Variants in ADK observed in about 807,000 individuals in gnomAD.
ADK encodes adenosine kinase, also known as N6,N6-dimethyladenosine kinase.
In ADK, 24 loss-of-function variants were observed where a neutral mutation model predicts 44.7. The observed-to-expected ratio is 0.54, with a 90% CI of 0.39 to 0.76. The LOEUF (loss-of-function observed/expected upper bound fraction) is 0.76. ADK is among the 30% of genes least tolerant of loss of function. The pLI, the probability that ADK is intolerant of heterozygous loss-of-function variation, is 0.00. For missense variants in ADK, 321 were observed against 425.1 expected (o/e 0.76, Z 2.15); for synonymous variants, 128 against 142.6 (o/e 0.90, Z 0.73).
chr10:74,476,362 A>G (rs1846840882), intron 6 of ADK, among the ~76,000 whole-genome samples: 1 of 151,874 alleles, frequency 6.6e-6, no homozygotes, highest in Non-Finnish European at 1.5e-5. Flanking sequence ...GCGTAGTGAC[A>G]CATGCTGTAA....
At chr10:74,216,916 G>A (rs183140382) in intron 2 of ADK, among the ~76,000 whole-genome samples, 21 of 152,216 alleles carry the variant, frequency 1.4e-4, no homozygotes, top group African/African-American at 4.6e-4. Flanking sequence ...GAACAGCTCC[G>A]GTCTACAGCT....
chr10:74,541,457 C>T (rs897010918), intron 7 of ADK, among the ~76,000 whole-genome samples: 4 of 152,142 alleles, frequency 2.6e-5, no homozygotes, highest in Non-Finnish European at 5.9e-5. Flanking sequence ...TTTCCTTCGT[C>T]TCTTTAATCT....
rs185128068 is a variant in ADK at position 74,454,245 on chromosome 10, T to A, written c.555+55666T>A. On this transcript the variant is annotated intron_variant, in intron 6 of 10. Coordinates refer to ENST00000539909, the MANE Select transcript of ADK (RefSeq NM_006721.4). ...TACTTTGTTACAGTACTTGATCCAG[T>A]TTGTTTCATTGGTGTGCTTGGTAAA... Among the ~76,000 whole-genome samples, 34 of 152,300 alleles carry A rather than the reference T, an allele frequency of 2.2e-4. No individual in the cohort carries two copies. In the East Asian group the frequency reaches 6.0e-3, roughly 27 times the overall value.
In ADK at chr10:74,612,311, G is replaced by A. The variant is rs1852586694; in HGVS notation, c.877+11818G>A. Reference sequence around the variant, plus strand: ...TTTATTTGTATTTTATAGAGAAAGTGTCTTGCTATGTTGCTCAGGCTGGTC... The same window carrying A: ...TTTATTTGTATTTTATAGAGAAAGTATCTTGCTATGTTGCTCAGGCTGGTC... On this transcript the variant is annotated intron_variant, in intron 9 of 10. Transcript: ENST00000539909. Among the ~76,000 whole-genome samples the A allele has an allele frequency of 3.9e-5, 6 of 152,044 alleles. No individual in the cohort carries two copies. The South Asian group carries it at 1.2e-3, about 32-fold the overall frequency.
intron 6 of ADK, among the ~76,000 whole-genome samples, chr10:74,509,805 T>A (rs981886300): frequency 2.0e-5 from 3 of 152,194 alleles, no homozygotes; most frequent in Non-Finnish European, 2.9e-5. Flanking sequence ...AACTTTTTTT[T>A]ATCTTCTACT....
chr10:74,295,011 AT>A (rs1839762659), intron 3 of ADK, among the ~76,000 whole-genome samples: 1 of 151,906 alleles, frequency 6.6e-6, no homozygotes, highest in Admixed American at 6.5e-5. Flanking sequence ...GTATGCCATC[AT>A]GCCTGGCTGA....
At chr10:74,195,707 C>CTTTTTTTTTTTTTTTTTTTTTTTTT (rs71475265) in intron 1 of ADK, among the ~76,000 whole-genome samples, 12 of 97,520 alleles carry the variant, frequency 1.2e-4, no homozygotes, top group Non-Finnish European at 1.8e-4. Flanking sequence ...TCTTTTCTTT[C>CTTTTTTTTTTTTTTTTTTTTTTTTT]TTTTTTTTTT....
chr10:74,483,681 A>C (rs1847156960), intron 6 of ADK, among the ~76,000 whole-genome samples: 1 of 152,186 alleles, frequency 6.6e-6, no homozygotes, highest in Non-Finnish European at 1.5e-5. Context: ...ATACATCTTG[A>C]ATGTTTTGCT....
In ADK at chr10:74,394,173, A is replaced by G. The variant is rs747977228; in HGVS notation, c.306A>G (p.Thr102=). 1.9e-6 allele frequency: 3 copies of G among 1,614,020 alleles called. No individual in the cohort carries two copies. Among genetic ancestry groups the G allele is most frequent in the South Asian group, 1.1e-5 (1 of 91,080 alleles). Residue 102 remains threonine, a synonymous_variant, in exon 5 of 11, where the codon ACA becomes ACG. Transcript: ENST00000539909. ...TTCAACAGCCACACAAAGCAGCAAC[A>G]TTTTTTGGATGCATTGGGATAGATA... ...WMIQQPHKAA[T]FFGCIGIDKF...
At chr10:74,692,194 A>G (rs73278319) in intron 10 of ADK, among the ~76,000 whole-genome samples, 12,251 of 152,228 alleles carry the variant, frequency 0.08, 713 homozygotes, top group African/African-American at 0.13. Flanking sequence ...GTAATGAGCT[A>G]TCAGCTGGGC....
At chr10:74,461,949 G>T (rs1197164211) in intron 6 of ADK, among the ~76,000 whole-genome samples, 1 of 152,004 alleles carries the variant, frequency 6.6e-6, no homozygotes, top group Non-Finnish European at 1.5e-5. Context: ...TCTTGACTCA[G>T]GTTCTATTAC....
intron 1 of ADK, among the ~76,000 whole-genome samples, chr10:74,162,888 T>C (rs2132039838): frequency 6.6e-6 from 1 of 152,246 alleles, no homozygotes; most frequent in East Asian, 1.9e-4. Flanking sequence ...TGAGCTCGAT[T>C]ATAATAGCCA....
At chr10:74,601,634 T>C (rs1300384804) in intron 9 of ADK, among the ~76,000 whole-genome samples, 1 of 152,144 alleles carries the variant, frequency 6.6e-6, no homozygotes, top group Non-Finnish European at 1.5e-5. Flanking sequence ...CATTATGCTA[T>C]TATCTCCACT....
chr10:74,613,286 A>G (rs1169702486), intron 9 of ADK, among the ~76,000 whole-genome samples: 2 of 152,112 alleles, frequency 1.3e-5, no homozygotes, highest in African/African-American at 2.4e-5. Context: ...AATGCTGTCT[A>G]TCCTCCACCT....
At chr10:74,607,277 T>G (rs1241915317) in intron 9 of ADK, among the ~76,000 whole-genome samples, 1 of 152,232 alleles carries the variant, frequency 6.6e-6, no homozygotes, top group Non-Finnish European at 1.5e-5. Flanking sequence ...GTCATTATGA[T>G]GCTAGCTGGT....
At chr10:74,631,319 G>T (rs1853413249) in intron 9 of ADK, among the ~76,000 whole-genome samples, 1 of 150,934 alleles carries the variant, frequency 6.6e-6, no homozygotes, top group African/African-American at 2.4e-5. Flanking sequence ...TTGTTGCCCA[G>T]GCTGGAGTGC....
intron 3 of ADK, among the ~76,000 whole-genome samples, chr10:74,235,237 C>A (rs185503167): frequency 5.4e-5 from 8 of 147,512 alleles, no homozygotes; most frequent in Admixed American, 4.9e-4. Flanking sequence ...ACTTCTACAA[C>A]AGGTAGAAAG....
At chr10:74,219,132 T>C (rs1408709841) in intron 2 of ADK, among the ~76,000 whole-genome samples, 1 of 152,090 alleles carries the variant, frequency 6.6e-6, no homozygotes, top group Non-Finnish European at 1.5e-5. Context: ...TCATCTCACA[T>C]GCAGAGACAC....
intron 4 of ADK, among the ~76,000 whole-genome samples, chr10:74,369,534 A>G: frequency 6.6e-6 from 1 of 152,234 alleles, no homozygotes; most frequent in East Asian, 1.9e-4. Context: ...ATGATTAAAG[A>G]AAATTTGTGT....
Sources: gnomAD v4.1 joint callset for allele counts (sites outside exome capture counted in the v4.1 genomes callset) on GRCh38, gnomAD v4.1.1 for gene constraint, MANE v1.5 for transcripts, NCBI Gene and HGNC (gene_info 2026-07-23, HGNC 2026-07-21) for gene names.